The following CCDC3 variants were observed in gnomAD, a reference collection of about 807,000 sequenced individuals.
CCDC3 encodes the protein coiled-coil domain-containing protein 3.
A neutral mutation model predicts 21.4 loss-of-function variants in CCDC3; 24 were observed. The ratio of observed to expected loss-of-function variants is 1.12; its 90% CI spans 0.81 to 1.58. The LOEUF is 1.58. Among genes scored for constraint, CCDC3 ranks in the 40% most tolerant of loss-of-function variants. The pLI is 0.00. For missense variants in CCDC3, 425 were observed against 360.9 expected, an observed-to-expected ratio of 1.18 and a Z score of -1.44; for synonymous variants, 186 against 166.0, an observed-to-expected ratio of 1.12 and a Z score of -0.93.
chr10:12,942,330 C>G (rs138738797), intron 2 of CCDC3, among the ~76,000 whole-genome samples: 2 of 152,128 alleles, frequency 1.3e-5, no homozygotes, highest in Non-Finnish European at 2.9e-5. Context: ...GGTACTGATA[C>G]AGGAGCTAAA....
At chr10:12,922,995 T>C (rs888002805) in intron 2 of CCDC3, among the ~76,000 whole-genome samples, 5 of 152,186 alleles carry the variant, frequency 3.3e-5, no homozygotes, top group Non-Finnish European at 7.3e-5. Flanking sequence ...GTGAGTGAGA[T>C]AAGATAATCC....
intron 5 of CCDC3, among the ~76,000 whole-genome samples, chr10:13,024,533 A>G (rs562306785): frequency 1.3e-5 from 2 of 152,342 alleles, no homozygotes; most frequent in South Asian, 4.1e-4. Flanking sequence ...CCTGCATTGC[A>G]TCTTGAAACC....
intron 2 of CCDC3, among the ~76,000 whole-genome samples, chr10:12,936,901 G>T (rs1316289054): frequency 6.6e-6 from 1 of 152,210 alleles, no homozygotes; most frequent in East Asian, 1.9e-4. Flanking sequence ...TCCAGCCTGG[G>T]TGACCTAGTG....
intron 3 of CCDC3, among the ~76,000 whole-genome samples, chr10:13,090,429 G>C (rs1832549800): frequency 6.6e-6 from 1 of 152,118 alleles, no homozygotes; most frequent in African/African-American, 2.4e-5. Flanking sequence ...GGGCATTTGG[G>C]TTGGTTCCAC....
intron 5 of CCDC3, among the ~76,000 whole-genome samples, chr10:13,012,956 C>T (rs1398978547): frequency 1.3e-5 from 2 of 151,808 alleles, no homozygotes; most frequent in East Asian, 3.9e-4. Flanking sequence ...TCTATTGCTG[C>T]CGAAAAAATA....
At chr10:12,972,089 C>T (rs755938130) in intron 2 of CCDC3, among the ~76,000 whole-genome samples, 10 of 152,142 alleles carry the variant, frequency 6.6e-5, no homozygotes, top group Non-Finnish European at 1.3e-4. Flanking sequence ...TTCTCTCCAC[C>T]TAGCACACTG....
At chr10:12,950,735 A>G (rs1184378553) in intron 2 of CCDC3, among the ~76,000 whole-genome samples, 1 of 152,192 alleles carries the variant, frequency 6.6e-6, no homozygotes, top group Non-Finnish European at 1.5e-5. Context: ...AACCCTTAGA[A>G]GCACCCACAT....
intron 2 of CCDC3, among the ~76,000 whole-genome samples, chr10:12,966,332 G>A (rs1172985143): frequency 2.0e-5 from 3 of 151,784 alleles, no homozygotes; most frequent in Non-Finnish European, 1.5e-5. Flanking sequence ...ATTCAGCACA[G>A]CCTATTTACG....
chr10:13,030,269 T>G (rs1312153966), intron 5 of CCDC3, among the ~76,000 whole-genome samples: 1 of 151,976 alleles, frequency 6.6e-6, no homozygotes, highest in Non-Finnish European at 1.5e-5. Flanking sequence ...AGAAATAAAA[T>G]CCCTTACAGA....
chr10:13,041,722 A>G (rs1836458448), intron 5 of CCDC3, among the ~76,000 whole-genome samples: 1 of 151,558 alleles, frequency 6.6e-6, no homozygotes, highest in Admixed American at 6.6e-5. Flanking sequence ...TCCTGACCTC[A>G]AGTGATCCAC....
chr10:13,014,776 A>G (rs1259688894), intron 5 of CCDC3, among the ~76,000 whole-genome samples: 5 of 152,142 alleles, frequency 3.3e-5, no homozygotes, highest in African/African-American at 9.7e-5. Context: ...AATTTACTAA[A>G]TAAGTGAAAT....
chr10:13,049,776 A>G (rs1482821726), exon 5 of CCDC3: 20 of 152,188 alleles, frequency 1.3e-4, no homozygotes, highest in Admixed American at 1.3e-3. Context: ...AGACAACACC[A>G]TCGACACCTC....
chr10:12,923,136 C>T (rs1834477835), intron 2 of CCDC3, among the ~76,000 whole-genome samples: 1 of 152,188 alleles, frequency 6.6e-6, no homozygotes, highest in Non-Finnish European at 1.5e-5. Flanking sequence ...TAACCTTCCA[C>T]AGACTCCCCA....
At position 12,976,215 on chromosome 10, in the gene CCDC3, G is replaced by C. The variant is rs532984624; in HGVS notation, c.549+22123C>G. ...AGAGCTAGGCATGGGCAGCAGGGAA[G>C]GGCAACCTGCAGTCAGGAAATGAGC... On this transcript the variant is annotated intron_variant, in intron 2 of 2. Coordinates refer to ENST00000378825, the MANE Select transcript of CCDC3 (RefSeq NM_031455.4). 1.4e-3 allele frequency among the ~76,000 whole-genome samples: 206 copies of C among 152,338 alleles called. 1 individual carries two copies. Among genetic ancestry groups the C allele is most frequent in the Non-Finnish European group, 2.2e-3 (151 of 68,030 alleles).
At chr10:13,048,223 C>T (rs907580206) in intron 5 of CCDC3, among the ~76,000 whole-genome samples, 6 of 152,156 alleles carry the variant, frequency 3.9e-5, no homozygotes, top group South Asian at 4.1e-4. Flanking sequence ...GACGGAGTCT[C>T]GCTCTGTTGC....
intron 2 of CCDC3, among the ~76,000 whole-genome samples, chr10:12,932,993 T>C (rs977451307): frequency 3.9e-5 from 6 of 152,248 alleles, no homozygotes; most frequent in African/African-American, 1.4e-4. Context: ...CAGCTTTGCA[T>C]ACCCAGTTTA....
chr10:13,092,689 T>C (rs1832586664), intron 3 of CCDC3, among the ~76,000 whole-genome samples: 1 of 152,204 alleles, frequency 6.6e-6, no homozygotes, highest in Non-Finnish European at 1.5e-5. Flanking sequence ...GGGTGACCAG[T>C]TGCAAAATTT....
At chr10:13,058,205 T>C in intron 4 of CCDC3, 1 of 1,253,256 alleles carries the variant, frequency 8.0e-7, no homozygotes, top group Non-Finnish European at 1.2e-6. Flanking sequence ...GCCAAAAACT[T>C]GATTGCCAGC....
In CCDC3 at chr10:12,989,187, A is replaced by T. The variant is rs139524155; in HGVS notation, c.549+9151T>A. ...GGCTAGAAGCCCAGCTCCTGAAATCATTCCAAGCTCAATGTTCACTCAAGG... is the reference window on the plus strand; with the variant it reads ...GGCTAGAAGCCCAGCTCCTGAAATCTTTCCAAGCTCAATGTTCACTCAAGG... On this transcript the variant is annotated intron_variant, in intron 2 of 2. Transcript: ENST00000378825. 8.2e-4 allele frequency among the ~76,000 whole-genome samples: 125 copies of T among 152,280 alleles called. 1 individual carries two copies. The highest frequency in any genetic ancestry group is 2.8e-3 in the African/African-American group (117 of 41,568).
Sources: allele counts gnomAD v4.1 joint callset (sites outside exome capture counted in the v4.1 genomes callset), GRCh38; gene constraint gnomAD v4.1.1; transcripts MANE v1.5; gene names NCBI Gene and HGNC (gene_info 2026-07-23, HGNC 2026-07-21).